Variants in GPC5 observed in about 807,000 individuals in gnomAD.
The protein encoded by GPC5 is glypican 5.
GPC5 carries 47 observed loss-of-function variants against 53.9 expected under a neutral mutation model. The ratio of observed to expected loss-of-function variants is 0.87; its 90% CI spans 0.69 to 1.11. The LOEUF is 1.11. GPC5 is among the 50% of genes most tolerant of loss of function. The pLI, the probability that GPC5 is intolerant of heterozygous loss-of-function variation, is 0.00. For missense variants in GPC5, 748 were observed against 713.1 expected (o/e 1.05, Z -0.56); for synonymous variants, 286 against 263.3 (o/e 1.09, Z -0.84).
chr13:92,864,012 AT>A (rs1481158450), intron 7 of GPC5, among the ~76,000 whole-genome samples: 4 of 152,014 alleles, frequency 2.6e-5, no homozygotes, highest in Non-Finnish European at 5.9e-5. Context: ...CTCCAAACTA[AT>A]TTTTTCTTTT....
chr13:91,620,588 A>G (rs1007473688), intron 2 of GPC5, among the ~76,000 whole-genome samples: 1 of 152,142 alleles, frequency 6.6e-6, no homozygotes, highest in Admixed American at 6.6e-5. Flanking sequence ...GTCATCGCTC[A>G]TGCCATAAGA....
intron 6 of GPC5, among the ~76,000 whole-genome samples, chr13:91,981,094 A>G (rs968628031): frequency 3.3e-5 from 5 of 152,134 alleles, no homozygotes; most frequent in East Asian, 1.9e-4. Flanking sequence ...GAGTATATGT[A>G]TGCATTTCTG....
At chr13:92,236,365 G>T (rs1383055367) in intron 7 of GPC5, among the ~76,000 whole-genome samples, 1 of 151,960 alleles carries the variant, frequency 6.6e-6, no homozygotes, top group African/African-American at 2.4e-5. Flanking sequence ...TCATATCATA[G>T]CAAATGATGT....
chr13:91,622,106 G>A (rs2033877607), intron 2 of GPC5, among the ~76,000 whole-genome samples: 1 of 152,104 alleles, frequency 6.6e-6, no homozygotes, highest in Middle Eastern at 3.4e-3. Flanking sequence ...CTTTATTCTA[G>A]CCACCCTGGC....
intron 2 of GPC5, among the ~76,000 whole-genome samples, chr13:91,563,233 G>A (rs1042376211): frequency 1.6e-4 from 24 of 152,168 alleles, no homozygotes; most frequent in African/African-American, 5.8e-4. Context: ...TTCTAAATCA[G>A]CCTATTAGGT....
chr13:91,943,491 G>C (rs1445591375), intron 6 of GPC5, among the ~76,000 whole-genome samples: 6 of 152,120 alleles, frequency 3.9e-5, no homozygotes, highest in African/African-American at 1.2e-4. Context: ...AGATGGAATT[G>C]AGTTTGGTGT....
At chr13:92,825,501 A>C (rs1174688579) in intron 7 of GPC5, among the ~76,000 whole-genome samples, 1 of 152,118 alleles carries the variant, frequency 6.6e-6, no homozygotes, top group African/African-American at 2.4e-5. Context: ...CAAGTGTATT[A>C]AAGTGCCAAA....
At chr13:91,774,496 G>A (rs1016142209) in intron 5 of GPC5, among the ~76,000 whole-genome samples, 1 of 152,118 alleles carries the variant, frequency 6.6e-6, no homozygotes, top group Non-Finnish European at 1.5e-5. Context: ...AGGATGGGCT[G>A]GTGCAGGGCA....
chr13:92,549,192 A>C (rs148700204), intron 7 of GPC5, among the ~76,000 whole-genome samples: 114 of 152,246 alleles, frequency 7.5e-4, no homozygotes, highest in African/African-American at 2.7e-3. Flanking sequence ...CAAAGATAAG[A>C]GTATTATACT....
Position 91,862,176 on chromosome 13 carries a change from T to TA in GPC5, c.1281-45755dup, listed in dbSNP as rs1268113304. On this transcript the variant is annotated intron_variant, in intron 5 of 7. Coordinates refer to ENST00000377067, the MANE Select transcript of GPC5 (RefSeq NM_004466.6). ...GATTTGATGTTATTTCCCTTCAGAC[T>TA]AAAAAATTTCTGTTAGCATGTTTTG... 2.6e-5 allele frequency among the ~76,000 whole-genome samples: 4 copies of TA among 152,320 alleles called. No homozygotes were observed. The East Asian group carries it at 7.7e-4, about 29-fold the overall frequency.
At chr13:92,812,158 T>C (rs1877321856) in intron 7 of GPC5, among the ~76,000 whole-genome samples, 1 of 151,964 alleles carries the variant, frequency 6.6e-6, no homozygotes, top group Non-Finnish European at 1.5e-5. Flanking sequence ...GCATTGAACC[T>C]ATAGATCACT....
Position 91,834,635 on chromosome 13 carries a change from A to G in GPC5, c.1281-73302A>G, listed in dbSNP as rs184027026. ...ATCTTTGACAAAACTAACAAAAACA[A>G]GCAATGGAAAAAGGATTCCCTATTT... is the stretch of plus-strand genomic sequence containing the variant. On this transcript the variant is annotated intron_variant, in intron 5 of 7. Transcript: ENST00000377067. Among the ~76,000 whole-genome samples the G allele has an allele frequency of 4.5e-3, 678 of 152,296 alleles. 4 individuals carry two copies. The highest frequency in any genetic ancestry group is 0.016 in the African/African-American group (655 of 41,560).
intron 2 of GPC5, among the ~76,000 whole-genome samples, chr13:91,591,472 C>T (rs891975172): frequency 2.0e-5 from 3 of 152,132 alleles, no homozygotes; most frequent in Admixed American, 6.5e-5. Context: ...TTTGAGTTTT[C>T]ATGTCAACCT....
Position 92,422,488 on chromosome 13 carries a change from TCACA to T in GPC5, c.1561+277540_1561+277543del, listed in dbSNP as rs6145177. On this transcript the variant is annotated intron_variant, in intron 7 of 7. Coordinates refer to ENST00000377067, the MANE Select transcript of GPC5 (RefSeq NM_004466.6). ...TCTGTAAGCACCACCCATCACCATC[TCACA>T]CACACACACACACACACACACACAC... Among the ~76,000 whole-genome samples, 393 of 133,376 alleles carry T rather than the reference TCACA, an allele frequency of 2.9e-3. 2 individuals carry two copies. The highest frequency in any genetic ancestry group is 9.7e-3 in the South Asian group (37 of 3,814). 87.5% of individuals were successfully genotyped at this position (133,376 alleles called of 152,430 possible). A position where few individuals can be genotyped will look rare whatever the true frequency, so the allele number is the denominator to read the frequency against.
At chr13:91,408,077 C>A (rs1163860572) in intron 1 of GPC5, among the ~76,000 whole-genome samples, 3 of 152,092 alleles carry the variant, frequency 2.0e-5, no homozygotes, top group Non-Finnish European at 4.4e-5. Context: ...TTAACATTCA[C>A]TCTCTTAGCA....
At chr13:92,387,424 A>G (rs868325560) in intron 7 of GPC5, among the ~76,000 whole-genome samples, 3 of 152,072 alleles carry the variant, frequency 2.0e-5, no homozygotes, top group Admixed American at 2.0e-4. Context: ...GTTGAGGAAT[A>G]TCTGTAATTA....
chr13:91,602,652 C>T (rs995978411), intron 2 of GPC5, among the ~76,000 whole-genome samples: 2 of 152,072 alleles, frequency 1.3e-5, no homozygotes, highest in African/African-American at 2.4e-5. Flanking sequence ...ACAGTCTTAA[C>T]GTGATTGATG....
At chr13:92,234,588 C>T (rs537609033) in intron 7 of GPC5, among the ~76,000 whole-genome samples, 11 of 151,064 alleles carry the variant, frequency 7.3e-5, no homozygotes, top group East Asian at 3.9e-4. Context: ...GGGGGCAATA[C>T]ATTGTGGGGA....
intron 2 of GPC5, among the ~76,000 whole-genome samples, chr13:91,651,718 C>CAAAAAAAA (rs36117858): frequency 1.1e-5 from 1 of 91,872 alleles, no homozygotes; most frequent in Non-Finnish European, 2.5e-5. Context: ...AACTCAGTCT[C>CAAAAAAAA]AAAAAAAAAA....
Sources: allele counts gnomAD v4.1 joint callset (sites outside exome capture counted in the v4.1 genomes callset), GRCh38; gene constraint gnomAD v4.1.1; transcripts MANE v1.5; gene names NCBI Gene and HGNC (gene_info 2026-07-23, HGNC 2026-07-21).